TUSC3: variants seen among roughly 807,000 people sequenced by gnomAD.
TUSC3 encodes tumor suppressor candidate 3.
A neutral mutation model predicts 44.8 loss-of-function variants in TUSC3; 45 were observed. The observed-to-expected ratio is 1.00, with a 90% CI of 0.79 to 1.29. The LOEUF is 1.29. Ranked by LOEUF, TUSC3 falls within the 50% of genes most tolerant of loss-of-function variation. The probability of loss-of-function intolerance (pLI) is 0.00; values close to 1 mark genes in which losing one functional copy is unlikely to be tolerated. For synonymous variants in TUSC3, 212 were observed against 152.9 expected, an observed-to-expected ratio of 1.39 and a Z score of -2.85; for missense variants, 519 against 437.9, an observed-to-expected ratio of 1.19 and a Z score of -1.65.
the TUSC3 span, among the ~76,000 whole-genome samples, chr8:15,814,284 A>C: frequency 6.6e-6 from 1 of 152,118 alleles, no homozygotes; most frequent in African/African-American, 2.4e-5. Context: ...AAACAGTAAC[A>C]ATATCTTTTT....
chr8:15,836,812 G>A, the TUSC3 span, among the ~76,000 whole-genome samples: 1 of 152,002 alleles, frequency 6.6e-6, no homozygotes, highest in African/African-American at 2.4e-5. Flanking sequence ...AATTTTAGCT[G>A]TTAAAAATGG....
chr8:15,636,654 G>T (rs1465075803), intron 2 of TUSC3, among the ~76,000 whole-genome samples: 2 of 152,192 alleles, frequency 1.3e-5, no homozygotes, highest in South Asian at 4.1e-4. Context: ...AAGATACGGG[G>T]TGTGGTTTGC....
intron 2 of TUSC3, among the ~76,000 whole-genome samples, chr8:15,518,247 A>G (rs1398364917): frequency 6.6e-6 from 1 of 151,974 alleles, no homozygotes; most frequent in Non-Finnish European, 1.5e-5. Flanking sequence ...ACCTTTTCTC[A>G]TGTAAAATAC....
At chr8:15,533,907 T>C (rs1801484198) in intron 2 of TUSC3, among the ~76,000 whole-genome samples, 1 of 152,150 alleles carries the variant, frequency 6.6e-6, no homozygotes, top group Non-Finnish European at 1.5e-5. Context: ...GTTTATCTCA[T>C]GGTTGGAAAG....
chr8:15,581,287 T>G (rs1174375501), intron 1 of TUSC3, among the ~76,000 whole-genome samples: 2 of 147,150 alleles, frequency 1.4e-5, no homozygotes, highest in East Asian at 2.0e-4. Context: ...CTGAGAGTAA[T>G]TTGATCGTCT....
At chr8:15,645,545 G>A (rs1237519511) in intron 2 of TUSC3, among the ~76,000 whole-genome samples, 1 of 151,852 alleles carries the variant, frequency 6.6e-6, no homozygotes, top group Admixed American at 6.6e-5. Context: ...CCTTATTTAT[G>A]TACTAGAGTG....
intron 1 of TUSC3, among the ~76,000 whole-genome samples, chr8:15,429,330 T>G (rs1799843356): frequency 6.6e-6 from 1 of 151,672 alleles, no homozygotes; most frequent in African/African-American, 2.4e-5. Flanking sequence ...TTGATCTATA[T>G]CTCTGTTTTG....
intron 1 of TUSC3, among the ~76,000 whole-genome samples, chr8:15,441,852 G>A (rs1361043449): frequency 6.6e-6 from 1 of 152,150 alleles, no homozygotes; most frequent in Non-Finnish European, 1.5e-5. Context: ...TAAGCACAAT[G>A]TCAACCAAAC....
chr8:15,591,698 T>C (rs952849634), intron 1 of TUSC3, among the ~76,000 whole-genome samples: 1 of 152,190 alleles, frequency 6.6e-6, no homozygotes. Flanking sequence ...TAAGTAAGAA[T>C]CTTCTAGACA....
intron 1 of TUSC3, among the ~76,000 whole-genome samples, chr8:15,460,376 C>T (rs187428967): frequency 0.012 from 1,874 of 151,976 alleles, 48 homozygotes; most frequent in African/African-American, 0.043. Context: ...GCCCAGTTTT[C>T]TATGGGATTG....
At chr8:15,443,771 C>T (rs563888459) in intron 1 of TUSC3, among the ~76,000 whole-genome samples, 1 of 152,162 alleles carries the variant, frequency 6.6e-6, no homozygotes, top group Non-Finnish European at 1.5e-5. Context: ...AAGATTCTCA[C>T]CCTCCCTAAG....
intron 7 of TUSC3, among the ~76,000 whole-genome samples, chr8:15,731,033 A>G (rs1162789175): frequency 6.6e-6 from 1 of 152,040 alleles, no homozygotes; most frequent in Non-Finnish European, 1.5e-5. Context: ...TTTTCCGTAT[A>G]GCATCCTAAT....
chr8:15,805,973 CA>C, the TUSC3 span, among the ~76,000 whole-genome samples: 2 of 152,044 alleles, frequency 1.3e-5, no homozygotes, highest in East Asian at 1.9e-4. Flanking sequence ...TTTACAAAAA[CA>C]AAAAATCAGT....
At chr8:15,540,857 G>A (rs1041604535) in intron 1 of TUSC3, among the ~76,000 whole-genome samples, 6 of 152,236 alleles carry the variant, frequency 3.9e-5, no homozygotes, top group African/African-American at 1.4e-4. Flanking sequence ...CCAGCTTAGA[G>A]CAATGGTGCC....
At chr8:15,573,783 T>C (rs186279457) in intron 1 of TUSC3, among the ~76,000 whole-genome samples, 1 of 152,284 alleles carries the variant, frequency 6.6e-6, no homozygotes, top group East Asian at 1.9e-4. Flanking sequence ...TGATTTTTTT[T>C]AATGCTAACA....
At chr8:15,491,031 G>T (rs937246212) in intron 2 of TUSC3, among the ~76,000 whole-genome samples, 1 of 152,220 alleles carries the variant, frequency 6.6e-6, no homozygotes, top group African/African-American at 2.4e-5. Context: ...TTGAGTTTCT[G>T]ATCAGCGTTC....
chr8:15,677,920 G>A (rs979446456), intron 6 of TUSC3, among the ~76,000 whole-genome samples: 8 of 152,178 alleles, frequency 5.3e-5, no homozygotes, highest in African/African-American at 1.9e-4. Flanking sequence ...AAACACACGT[G>A]TCTTATTTTG....
intron 7 of TUSC3, among the ~76,000 whole-genome samples, chr8:15,738,827 C>CTCTTTTTTTTCTTTCTTTTTTTTTT (rs1811047750): frequency 1.1e-5 from 1 of 87,172 alleles, no homozygotes; most frequent in Admixed American, 1.5e-4. Flanking sequence ...ATATATCTTG[C>CTCTTTTTTTTCTTTCTTTTTTTTTT]TTTTTTTTTT....
intron 3 of TUSC3, chr8:15,651,150 C>T (rs2129175806): frequency 3.4e-6 from 1 of 290,482 alleles, no homozygotes; most frequent in Middle Eastern, 1.2e-3. Flanking sequence ...ATGATAAATT[C>T]ATTTTAACTT....
Sources: allele counts gnomAD v4.1 joint callset (sites outside exome capture counted in the v4.1 genomes callset), GRCh38; gene constraint gnomAD v4.1.1; transcripts MANE v1.5; gene names NCBI Gene and HGNC (gene_info 2026-07-23, HGNC 2026-07-21).